MACROD2: variants seen among roughly 807,000 people sequenced by gnomAD.
The protein encoded by MACROD2 is mono-ADP ribosylhydrolase 2, also known as ADP-ribose glycohydrolase MACROD2.
MACROD2 carries 36 observed loss-of-function variants against 70.4 expected under a neutral mutation model. The ratio of observed to expected loss-of-function variants is 0.51; its 90% CI spans 0.39 to 0.68. MACROD2 has a LOEUF of 0.68. Ranked by LOEUF, MACROD2 falls within the 30% of genes least tolerant of loss-of-function variation. The pLI, the probability that MACROD2 is intolerant of heterozygous loss-of-function variation, is 0.00. For missense variants in MACROD2, 496 were observed against 538.4 expected (o/e 0.92, Z 0.78); for synonymous variants, 172 against 178.8 (o/e 0.96, Z 0.30).
At chr20:14,641,847 A>C (rs2123492488) in intron 4 of MACROD2, among the ~76,000 whole-genome samples, 1 of 152,294 alleles carries the variant, frequency 6.6e-6, no homozygotes, top group South Asian at 2.1e-4. Flanking sequence ...CATAGTTCTT[A>C]AGGAACCAAG....
intron 3 of MACROD2, among the ~76,000 whole-genome samples, chr20:14,089,729 G>A (rs936569488): frequency 6.6e-6 from 1 of 152,004 alleles, no homozygotes; most frequent in African/African-American, 2.4e-5. Context: ...CAAAATTCAG[G>A]TTATCATAAC....
intron 6 of MACROD2, among the ~76,000 whole-genome samples, chr20:15,311,225 T>A (rs2077748971): frequency 6.6e-6 from 1 of 152,110 alleles, no homozygotes; most frequent in African/African-American, 2.4e-5. Flanking sequence ...AAAAAAGGCA[T>A]AATTTTTAAG....
In MACROD2 at chr20:14,618,064, G is replaced by A. The variant is rs942557820; in HGVS notation, c.302-66779G>A. Among the ~76,000 whole-genome samples, 4 of 152,102 alleles carry A rather than the reference G, an allele frequency of 2.6e-5. No homozygotes were observed. The East Asian group carries it at 5.8e-4, about 22-fold the overall frequency. Reference sequence around the variant, plus strand: ...TGAGTAATTGAATGATTTAACCAAAGCTCACTTTAATGGGTCTGCGGTCCA... The same window carrying A: ...TGAGTAATTGAATGATTTAACCAAAACTCACTTTAATGGGTCTGCGGTCCA... On this transcript the variant is annotated intron_variant, in intron 4 of 17. Transcript: ENST00000684519.
chr20:15,529,392 A>G (rs1449259982), intron 8 of MACROD2, among the ~76,000 whole-genome samples: 1 of 151,942 alleles, frequency 6.6e-6, no homozygotes, highest in Non-Finnish European at 1.5e-5. Context: ...TATTTTTCCA[A>G]TTGTTTTTAC....
At chr20:14,205,478 T>G (rs1409384779) in intron 3 of MACROD2, among the ~76,000 whole-genome samples, 1 of 152,184 alleles carries the variant, frequency 6.6e-6, no homozygotes, top group African/African-American at 2.4e-5. Flanking sequence ...TGGGGCTGGG[T>G]TCCCTATTTG....
chr20:15,057,074 G>C (rs1461406724), intron 5 of MACROD2, among the ~76,000 whole-genome samples: 1 of 152,192 alleles, frequency 6.6e-6, no homozygotes, highest in East Asian at 1.9e-4. Context: ...TCAGAGACTT[G>C]TGTGTCTCAT....
chr20:15,226,389 G>C (rs2076906380), intron 5 of MACROD2, among the ~76,000 whole-genome samples: 1 of 152,110 alleles, frequency 6.6e-6, no homozygotes, highest in South Asian at 2.1e-4. Flanking sequence ...CTATGTATCA[G>C]ACTTTGAATT....
intron 6 of MACROD2, among the ~76,000 whole-genome samples, chr20:15,245,947 G>A (rs2077101357): frequency 6.6e-6 from 1 of 152,164 alleles, no homozygotes; most frequent in Non-Finnish European, 1.5e-5. Context: ...AAATTAAGAA[G>A]CATTTTTAGG....
intron 5 of MACROD2, among the ~76,000 whole-genome samples, chr20:15,025,137 A>C (rs889158549): frequency 2.0e-5 from 3 of 152,066 alleles, no homozygotes; most frequent in African/African-American, 7.2e-5. Context: ...ATTTTTTCAC[A>C]GTGGGGGTAT....
At chr20:14,691,579 AG>A (rs1308393908) in intron 5 of MACROD2, among the ~76,000 whole-genome samples, 1 of 152,164 alleles carries the variant, frequency 6.6e-6, no homozygotes, top group Non-Finnish European at 1.5e-5. Flanking sequence ...TGTTTCCTCC[AG>A]TGGTGTTAGC....
intron 5 of MACROD2, among the ~76,000 whole-genome samples, chr20:14,811,260 A>G (rs939276254): frequency 2.6e-5 from 4 of 152,068 alleles, no homozygotes; most frequent in Admixed American, 1.3e-4. Flanking sequence ...ATGAAACAGA[A>G]CATAGGCCTC....
intron 5 of MACROD2, among the ~76,000 whole-genome samples, chr20:14,772,832 G>A (rs968167541): frequency 1.3e-5 from 2 of 152,042 alleles, no homozygotes; most frequent in Non-Finnish European, 2.9e-5. Flanking sequence ...TTCCAGAAAA[G>A]ATTGTATTCC....
intron 5 of MACROD2, chr20:15,022,916 G>A (rs2075200050): frequency 6.6e-6 from 1 of 152,140 alleles, no homozygotes; most frequent in Non-Finnish European, 1.5e-5. Flanking sequence ...CATGTCCCCT[G>A]TGCAGGGATG....
intron 6 of MACROD2, among the ~76,000 whole-genome samples, chr20:15,331,904 T>A (rs6034159): frequency 0.4 from 60,060 of 151,430 alleles, 12,867 homozygotes; most frequent in Non-Finnish European, 0.47. Flanking sequence ...ATACATAATT[T>A]TTTAAAATGT....
At chr20:15,473,781 A>G (rs2046988728) in intron 7 of MACROD2, among the ~76,000 whole-genome samples, 1 of 152,178 alleles carries the variant, frequency 6.6e-6, no homozygotes, top group Non-Finnish European at 1.5e-5. Flanking sequence ...CTCTAGTCCC[A>G]GTTTGCTTTT....
At chr20:14,836,846 T>C (rs2073035246) in intron 5 of MACROD2, among the ~76,000 whole-genome samples, 1 of 152,044 alleles carries the variant, frequency 6.6e-6, no homozygotes, top group Non-Finnish European at 1.5e-5. Context: ...GATTTGAAAA[T>C]TTTATGATTC....
chr20:14,090,881 T>C (rs1228809835), intron 3 of MACROD2, among the ~76,000 whole-genome samples: 1 of 152,208 alleles, frequency 6.6e-6, no homozygotes. Flanking sequence ...GCGGGAGTTC[T>C]CTTTTCTCTG....
chr20:14,016,434 T>A lies in MACROD2; in HGVS notation c.163+14030T>A, dbSNP rs547531453. ...TTTTGATGAAGTCCAGTTTATCTGT[T>A]TTTTCTCTGGTTGATTGCTTTTGGT... On this transcript the variant is annotated intron_variant, in intron 2 of 17. Coordinates refer to ENST00000684519, the MANE Select transcript of MACROD2 (RefSeq NM_001351661.2). Among the ~76,000 whole-genome samples, 1,066 of 152,286 alleles carry A rather than the reference T, an allele frequency of 7.0e-3. 14 individuals are homozygous for A. The highest frequency in any genetic ancestry group is 0.024 in the African/African-American group (995 of 41,572).
In MACROD2 at chr20:15,230,034, C is replaced by G. The variant is rs758153923; in HGVS notation, c.513C>G (p.Leu171=). The change falls in exon 6 of 18, where the codon CTC becomes CTG. Residue 171 remains leucine (L), a synonymous_variant. Transcript: ENST00000684519. ...LANCYKSSLK[L]VKENNIRSVA... ...ATTGCTATAAATCATCTCTGAAGCT[C>G]GTGAAAGAAAATAACATCCGATCAG... The G allele has an allele frequency of 6.2e-7, 1 of 1,613,210 alleles. No individual in the cohort carries two copies. The highest frequency in any genetic ancestry group is 8.5e-7 in the Non-Finnish European group (1 of 1,179,542).
Sources: allele counts gnomAD v4.1 joint callset (sites outside exome capture counted in the v4.1 genomes callset), GRCh38; gene constraint gnomAD v4.1.1; transcripts MANE v1.5; gene names NCBI Gene and HGNC (gene_info 2026-07-23, HGNC 2026-07-21).